The following IRAG2 variants were observed in gnomAD, a reference collection of about 807,000 sequenced individuals.
The protein encoded by IRAG2 is inositol 1,4,5-triphosphate receptor associated 2.
A neutral mutation model predicts 69.9 loss-of-function variants in IRAG2; 45 were observed. That is an observed-to-expected ratio of 0.64 (90% CI 0.51 to 0.83). The LOEUF (loss-of-function observed/expected upper bound fraction) is 0.83, where lower values mean the gene tolerates loss of function less well. Among genes scored for constraint, IRAG2 ranks in the 40% least tolerant of loss-of-function variants. The pLI, the probability that IRAG2 is intolerant of heterozygous loss-of-function variation, is 0.00. For synonymous variants in IRAG2, 193 were observed against 202.4 expected, an observed-to-expected ratio of 0.95 and a Z score of 0.40; for missense variants, 520 against 587.0, an observed-to-expected ratio of 0.89 and a Z score of 1.18.
Position 25,068,621 on chromosome 12 carries a change from G to A in IRAG2, c.-58-729G>A, listed in dbSNP as rs1055677354. On this transcript the variant is annotated intron_variant, in intron 5 of 21. Coordinates refer to ENST00000556887, the MANE Select transcript of IRAG2 (RefSeq NM_001366544.2). Reference sequence around the variant, plus strand: ...CCCCTCATCCTGAGGCTATCCAGAAGCCCACCAAGAGATACCGCGTTAGAA... The same window carrying A: ...CCCCTCATCCTGAGGCTATCCAGAAACCCACCAAGAGATACCGCGTTAGAA... Among the ~76,000 whole-genome samples, 7 of 152,010 alleles carry A rather than the reference G, an allele frequency of 4.6e-5. No individual in the cohort carries two copies. In the South Asian group the frequency reaches 1.5e-3, roughly 32 times the overall value.
At chr12:25,053,904 T>G in intron 1 of IRAG2, among the ~76,000 whole-genome samples, 1 of 152,018 alleles carries the variant, frequency 6.6e-6, no homozygotes, top group East Asian at 1.9e-4. Flanking sequence ...CTGAGAAAGC[T>G]ATTTAGGAGT....
Position 25,102,209 on chromosome 12 carries a change from A to G in IRAG2, c.901A>G (p.Ile301Val), listed in dbSNP as rs1298784282. 1 of 1,613,466 alleles carries G rather than the reference A, an allele frequency of 6.2e-7. No homozygotes were observed. The change falls in exon 17 of 22, where the codon ATT becomes GTT. Residue 301 changes from isoleucine to valine, a missense_variant. Coordinates refer to ENST00000556887, the MANE Select transcript of IRAG2 (RefSeq NM_001366544.2). ...GTTTTTCCTTTCAGATGACTGCCAA[A>G]TTAAAAAACGTTCAGCTTCTCTAAA... is the stretch of plus-strand genomic sequence containing the variant. ...NPLEDDDDCQ[I>V]KKRSASLNSK...
At chr12:25,071,288 G>C (rs1281266675) in intron 6 of IRAG2, among the ~76,000 whole-genome samples, 3 of 152,104 alleles carry the variant, frequency 2.0e-5, no homozygotes, top group African/African-American at 7.2e-5. Flanking sequence ...AGAGGTTGCA[G>C]TGAGCCGAGA....
At chr12:25,028,616 T>G (rs1944644069) in intron 9 of IRAG2, among the ~76,000 whole-genome samples, 2 of 152,170 alleles carry the variant, frequency 1.3e-5, no homozygotes, top group South Asian at 4.1e-4. Flanking sequence ...TTCATACATA[T>G]TTTTGTTATC....
chr12:25,024,290 T>A (rs1350811802), intron 8 of IRAG2, among the ~76,000 whole-genome samples: 2 of 152,136 alleles, frequency 1.3e-5, no homozygotes, highest in East Asian at 1.9e-4. Flanking sequence ...AGATCTTAAA[T>A]TCACTGAAAA....
chr12:25,102,373 T>C (rs1948807556), intron 17 of IRAG2, 132 bp downstream of exon 17: 1 of 698,660 alleles, frequency 1.4e-6, no homozygotes, highest in South Asian at 1.9e-5. Context: ...TATTTGTTTA[T>C]CTAAGTATGC....
chr12:25,023,918 A>C lies in IRAG2; in HGVS notation c.1380A>C (p.Glu460Asp), dbSNP rs995924036. The change falls in exon 8 of 39, where the codon GAA (glutamate) becomes GAC (aspartate). Residue 460 changes from glutamate (E) to aspartate (D), a missense_variant. Physicochemically the swap from Glu to Asp is conservative, Grantham distance 45. Transcript: ENST00000636465. Reference sequence around the variant, plus strand: ...TTCTTAAGATTCGGATTCTACAGGAAGAGGTATGTCAGAATCGTTAAACAC... The same window carrying C: ...TTCTTAAGATTCGGATTCTACAGGACGAGGTATGTCAGAATCGTTAAACAC... The C allele has an allele frequency of 9.0e-6, 11 of 1,226,952 alleles. No homozygotes were observed. In the African/African-American group the frequency reaches 1.7e-4, roughly 19 times the overall value. The allele number at this position is 1,226,952 out of a possible 1,614,324, so 76.0% of individuals were successfully genotyped here.
chr12:25,036,748 A>G (rs945229386), intron 15 of IRAG2: 5 of 397,896 alleles, frequency 1.3e-5, no homozygotes, highest in African/African-American at 6.2e-5. Context: ...GCCAGGTAAT[A>G]GTATATACAG....
upstream of IRAG2, among the ~76,000 whole-genome samples, chr12:25,051,234 T>C (rs1944865846): frequency 6.6e-6 from 1 of 152,172 alleles, no homozygotes; most frequent in South Asian, 2.1e-4. Flanking sequence ...GCAGTTTTTA[T>C]TTTTGCTTAG....
At chr12:25,084,178 A>C (rs1245298343) in intron 10 of IRAG2, among the ~76,000 whole-genome samples, 1 of 152,176 alleles carries the variant, frequency 6.6e-6, no homozygotes, top group African/African-American at 2.4e-5. Flanking sequence ...GCTTGAGCCT[A>C]AGAGTTTAAG....
At chr12:24,998,545 G>A in the IRAG2 span, among the ~76,000 whole-genome samples, 3 of 150,914 alleles carry the variant, frequency 2.0e-5, no homozygotes, top group African/African-American at 7.3e-5. Flanking sequence ...CTCCCACTGA[G>A]CTCACTAAAG....
rs140846716 is a variant in IRAG2 at position 25,056,413 on chromosome 12, T to G, written c.-447+3457T>G. On this transcript the variant is annotated intron_variant, in intron 1 of 21. Coordinates refer to ENST00000556887, the MANE Select transcript of IRAG2 (RefSeq NM_001366544.2). The stretch of plus-strand genomic sequence containing the variant: ...GAAAAATGCAGATATGGAGAAGTAA[T>G]CTGGGAAGTATAGTATAATGATTAA... Among the ~76,000 whole-genome samples, 80 of 152,256 alleles carry G rather than the reference T, an allele frequency of 5.3e-4. 1 individual carries two copies. In the East Asian group the frequency reaches 0.011, roughly 21 times the overall value.
Position 25,015,112 on chromosome 12 carries a change from A to AAAAAAAAAAAAAAAAAAAAAAAAAAG in IRAG2, c.897-70_897-69insAAAAAAAAAAAAAAAAAAAAAAAAAG, listed in dbSNP as rs1555125446. Reference sequence around the variant, plus strand: ...TGAAAAAAAAAAAAAAAAAAAAAAAAGACAAAACTTGGTCAGGCAAAGAAT... The same window carrying AAAAAAAAAAAAAAAAAAAAAAAAAAG: ...TGAAAAAAAAAAAAAAAAAAAAAAAAAAAAAAAAAAAAAAAAAAAAAAAAAGGACAAAACTTGGTCAGGCAAAGAAT... On this transcript the variant is annotated intron_variant, in intron 3 of 38. Transcript: ENST00000636465. The AAAAAAAAAAAAAAAAAAAAAAAAAAG allele has an allele frequency of 1.1e-5, 4 of 360,090 alleles. 1 individual carries two copies. Among genetic ancestry groups the AAAAAAAAAAAAAAAAAAAAAAAAAAG allele is most frequent in the East Asian group, 2.3e-4 (2 of 8,628 alleles). 22.3% of individuals were successfully genotyped at this position (360,090 alleles called of 1,614,324 possible).
intron 11 of IRAG2, among the ~76,000 whole-genome samples, chr12:25,088,997 A>G (rs922407542): frequency 6.6e-6 from 1 of 152,184 alleles, no homozygotes. Flanking sequence ...GACTTGTTCA[A>G]GCTCACATAA....
intron 4 of IRAG2, among the ~76,000 whole-genome samples, chr12:25,065,095 A>G (rs913504613): frequency 2.4e-4 from 36 of 151,894 alleles, no homozygotes; most frequent in Non-Finnish European, 4.1e-4. Flanking sequence ...GTCTCAAAAA[A>G]AAAAAAGAGA....
chr12:25,032,231 T>A, intron 11 of IRAG2: 1 of 399,052 alleles, frequency 2.5e-6, no homozygotes, highest in Non-Finnish European at 4.4e-6. Context: ...TCTCACACCT[T>A]GCAAGGTGGG....
At chr12:25,029,469 G>A (rs10771158) in intron 9 of IRAG2, among the ~76,000 whole-genome samples, 49,703 of 152,034 alleles carry the variant, frequency 0.33, 8,766 homozygotes, top group Admixed American at 0.48. Context: ...ATTATATCCA[G>A]TGTATAAGAT....
At chr12:25,059,393 C>T (rs1363462867) in intron 1 of IRAG2, among the ~76,000 whole-genome samples, 1 of 152,120 alleles carries the variant, frequency 6.6e-6, no homozygotes, top group Admixed American at 6.5e-5. Context: ...CTCTGTCACC[C>T]AGAGCTGGAG....
At chr12:25,000,308 A>C (rs1944382196), upstream of IRAG2, among the ~76,000 whole-genome samples, 1 of 152,198 alleles carries the variant, frequency 6.6e-6, no homozygotes, top group Admixed American at 6.5e-5. Flanking sequence ...TTAGCTGGGC[A>C]TAGTGGCATG....
Sources: gnomAD v4.1 joint callset for allele counts (sites outside exome capture counted in the v4.1 genomes callset) on GRCh38, gnomAD v4.1.1 for gene constraint, MANE v1.5 for transcripts, NCBI Gene and HGNC (gene_info 2026-07-23, HGNC 2026-07-21) for gene names.